ZNF704: variants seen among roughly 807,000 people sequenced by gnomAD.
ZNF704 encodes glucocorticoid induced gene 1.
Under a neutral mutation model 44.7 loss-of-function variants are expected in ZNF704, and 10 were observed. The observed-to-expected ratio is 0.22, with a 90% CI of 0.14 to 0.38. The LOEUF (loss-of-function observed/expected upper bound fraction) is 0.38. Among genes scored for constraint, ZNF704 ranks in the 10% least tolerant of loss-of-function variants. The pLI is 1.00. For missense variants in ZNF704, 390 were observed against 545.5 expected, an observed-to-expected ratio of 0.71 and a Z score of 2.84; for synonymous variants, 211 against 207.6, an observed-to-expected ratio of 1.02 and a Z score of -0.14.
At chr8:80,779,034 C>G (rs1027916419) in intron 2 of ZNF704, among the ~76,000 whole-genome samples, 2 of 152,104 alleles carry the variant, frequency 1.3e-5, no homozygotes, top group African/African-American at 4.8e-5. Flanking sequence ...AGGGATCACC[C>G]ATTACATTAG....
intron 2 of ZNF704, among the ~76,000 whole-genome samples, chr8:80,818,743 T>C (rs1808216684): frequency 6.6e-6 from 1 of 152,232 alleles, no homozygotes; most frequent in Non-Finnish European, 1.5e-5. Flanking sequence ...CACTATACTC[T>C]AGATTTACTC....
At chr8:80,815,789 T>C (rs932192378) in intron 2 of ZNF704, among the ~76,000 whole-genome samples, 1 of 152,242 alleles carries the variant, frequency 6.6e-6, no homozygotes, top group African/African-American at 2.4e-5. Flanking sequence ...AATAGACATT[T>C]GTCAATTTTT....
chr8:80,748,271 C>A (rs1408889996), intron 2 of ZNF704, among the ~76,000 whole-genome samples: 1 of 152,156 alleles, frequency 6.6e-6, no homozygotes, highest in African/African-American at 2.4e-5. Context: ...GGGCACCATG[C>A]AAAGTCTAAT....
At chr8:80,720,688 C>A (rs1328074326) in intron 2 of ZNF704, among the ~76,000 whole-genome samples, 1 of 152,232 alleles carries the variant, frequency 6.6e-6, no homozygotes, top group South Asian at 2.1e-4. Flanking sequence ...TCATTCCCCA[C>A]GAGGGTAAAG....
At chr8:80,729,637 T>C (rs932453378) in intron 2 of ZNF704, among the ~76,000 whole-genome samples, 2 of 152,168 alleles carry the variant, frequency 1.3e-5, no homozygotes, top group African/African-American at 4.8e-5. Context: ...CAGAACCAGT[T>C]TCACTACCAA....
rs1341996932 is a variant in ZNF704 at position 80,874,184 on chromosome 8, G to A, written c.-22+387C>T. Among the ~76,000 whole-genome samples, 1 of 146,140 alleles carries A rather than the reference G, an allele frequency of 6.8e-6. No homozygotes were observed. The highest frequency in any genetic ancestry group is 2.0e-4 in the East Asian group (1 of 5,046). Reference sequence around the variant, plus strand: ...GCAGGAGCCGCCGGCCAGGACCCGCGGCTGCCACTGGCTGCAGAGGCGCGG... The same window carrying A: ...GCAGGAGCCGCCGGCCAGGACCCGCAGCTGCCACTGGCTGCAGAGGCGCGG... On this transcript the variant is annotated intron_variant, in intron 1 of 8. Coordinates refer to ENST00000327835, the MANE Select transcript of ZNF704 (RefSeq NM_001033723.3). The surrounding 1 kb of genome is among the most constrained non-coding windows in gnomAD (Gnocchi z 4.4).
At chr8:80,839,225 T>C (rs1052315054) in intron 1 of ZNF704, among the ~76,000 whole-genome samples, 1 of 152,210 alleles carries the variant, frequency 6.6e-6, no homozygotes, top group African/African-American at 2.4e-5. Flanking sequence ...CTTTTCAAAT[T>C]CATCAGTGGT....
rs774374925 is a variant in ZNF704, at chr8:80,664,839, G to A, written c.903C>T (p.Leu301=). The change falls in exon 6 of 9, where the codon CTC becomes CTT. Residue 301 remains leucine (L), a synonymous_variant. Transcript: ENST00000327835. ...CCTGGTAAGCATGGTCAGTGTGCAC[G>A]AGGTAGAGGGTGGTGGGAGCTGAGC... ...LSRSAPTTLY[L]VHTDHAYQAT... The A allele has an allele frequency of 2.1e-5, 34 of 1,614,104 alleles. No homozygotes were observed. The highest frequency in any genetic ancestry group is 1.2e-4 in the South Asian group (11 of 91,092).
At chr8:80,656,156 T>C (rs1310459922) in intron 7 of ZNF704, among the ~76,000 whole-genome samples, 2 of 152,198 alleles carry the variant, frequency 1.3e-5, no homozygotes, top group African/African-American at 4.8e-5. Flanking sequence ...GCCAGTGCCC[T>C]GGCATGTGCT....
At chr8:80,676,121 G>C (rs1393656494) in intron 4 of ZNF704, among the ~76,000 whole-genome samples, 2 of 152,172 alleles carry the variant, frequency 1.3e-5, no homozygotes, top group African/African-American at 4.8e-5. Flanking sequence ...GGAGGATGCT[G>C]GTGGCCCAAA....
chr8:80,813,056 T>C (rs1808116103), intron 2 of ZNF704, among the ~76,000 whole-genome samples: 1 of 152,180 alleles, frequency 6.6e-6, no homozygotes, highest in Non-Finnish European at 1.5e-5. Context: ...ATCACAAAAG[T>C]GGTATAATGG....
chr8:80,652,625 T>G (rs953656812), intron 7 of ZNF704, among the ~76,000 whole-genome samples: 1 of 152,118 alleles, frequency 6.6e-6, no homozygotes, highest in South Asian at 2.1e-4. Flanking sequence ...CAGGAAGAAG[T>G]TGAATCTCTG....
At chr8:80,854,919 G>A (rs1416002791) in intron 1 of ZNF704, among the ~76,000 whole-genome samples, 3 of 152,064 alleles carry the variant, frequency 2.0e-5, no homozygotes, top group Admixed American at 6.5e-5. Context: ...TATTTATGGG[G>A]TACATGAGAT....
chr8:80,821,454 T>A lies in ZNF704; in HGVS notation c.141A>T (p.Glu47Asp), dbSNP rs759127348. ...TKKASRILDH[E>D]KENTRSICLL... ...GACAGATGGAGCGAGTGTTTTCTTT[T>A]TCATGGTCAAGGATCCGGCTGGCTT... Residue 47 changes from glutamate to aspartate, a missense_variant, in exon 2 of 9, where the codon GAA (glutamate) becomes GAT (aspartate). Coordinates refer to ENST00000327835, the MANE Select transcript of ZNF704 (RefSeq NM_001033723.3). 3.1e-6 allele frequency: 5 copies of A among 1,614,166 alleles called. No homozygotes were observed. In the Admixed American group the frequency reaches 8.3e-5, roughly 27 times the overall value.
intron 2 of ZNF704, among the ~76,000 whole-genome samples, chr8:80,742,157 G>A (rs921574854): frequency 6.6e-6 from 1 of 152,084 alleles, no homozygotes; most frequent in Non-Finnish European, 1.5e-5. Context: ...GAAAGGAAAG[G>A]GAAATAGAAG....
intron 8 of ZNF704, among the ~76,000 whole-genome samples, 166 bp from the exon 9 acceptor site, chr8:80,641,643 G>A (rs1005986148): frequency 6.6e-6 from 1 of 151,786 alleles, no homozygotes; most frequent in Non-Finnish European, 1.5e-5. Context: ...TGAGGTGGGC[G>A]GATCACCAGA....
intron 2 of ZNF704, among the ~76,000 whole-genome samples, chr8:80,702,868 C>T (rs1356295887): frequency 1.3e-5 from 2 of 152,028 alleles, no homozygotes; most frequent in Middle Eastern, 3.2e-3. Context: ...GGGATGATGG[C>T]AGCATTGAGG....
At chr8:80,860,407 G>T (rs547898303) in intron 1 of ZNF704, among the ~76,000 whole-genome samples, 1 of 152,306 alleles carries the variant, frequency 6.6e-6, no homozygotes, top group Admixed American at 6.5e-5. Context: ...TTTTAGATAT[G>T]TCTGAGCCTT....
intron 2 of ZNF704, among the ~76,000 whole-genome samples, chr8:80,734,105 A>C (rs964997280): frequency 6.6e-6 from 1 of 152,212 alleles, no homozygotes; most frequent in Non-Finnish European, 1.5e-5. Flanking sequence ...GGTCATAGCA[A>C]AATGTGAGAA....
Sources: allele counts gnomAD v4.1 joint callset (sites outside exome capture counted in the v4.1 genomes callset), GRCh38; gene constraint gnomAD v4.1.1; non-coding constraint Gnocchi (gnomAD v3.1); transcripts MANE v1.5; gene names NCBI Gene and HGNC (gene_info 2026-07-23, HGNC 2026-07-21).